RHOBTB3: variants seen among roughly 807,000 people sequenced by gnomAD.
The protein encoded by RHOBTB3 is Rho related BTB domain containing 3, also known as rho-related BTB domain-containing protein 3.
RHOBTB3 carries 47 observed loss-of-function variants against 67.2 expected under a neutral mutation model. The ratio of observed to expected loss-of-function variants is 0.70; its 90% confidence interval spans 0.55 to 0.89. The LOEUF is 0.89. Among genes scored for constraint, RHOBTB3 ranks in the 40% least tolerant of loss-of-function variants. The pLI, the probability that RHOBTB3 is intolerant of heterozygous loss-of-function variation, is 0.00. For synonymous variants in RHOBTB3, 273 were observed against 274.2 expected, an observed-to-expected ratio of 1.00 and a Z score of 0.04; for missense variants, 631 against 750.0, an observed-to-expected ratio of 0.84 and a Z score of 1.85.
chr5:95,730,026 TG>T (rs1561435655), upstream of RHOBTB3, among the ~76,000 whole-genome samples: 1 of 151,904 alleles, frequency 6.6e-6, no homozygotes, highest in Non-Finnish European at 1.5e-5. Context: ...TTTTTAAGGA[TG>T]GTTTAGGTTC....
chr5:95,789,401 A>T (rs1042837865), intron 11 of RHOBTB3: 1 of 152,444 alleles, frequency 6.6e-6, no homozygotes, highest in Admixed American at 6.5e-5. Context: ...TGTATGTAAT[A>T]TGCTTTCTAA....
chr5:95,787,730 C>T (rs1221122533), intron 10 of RHOBTB3, among the ~76,000 whole-genome samples: 2 of 152,068 alleles, frequency 1.3e-5, no homozygotes, highest in Non-Finnish European at 2.9e-5. Context: ...AAAATATTAC[C>T]CTAAATGAGC....
intron 8 of RHOBTB3, 45 bp from the exon 9 acceptor site, chr5:95,780,207 C>T (rs372639977): frequency 9.7e-6 from 15 of 1,545,822 alleles, no homozygotes; most frequent in East Asian, 2.3e-5. Flanking sequence ...AATAACCCTG[C>T]AGGTTTATCT....
intron 3 of RHOBTB3, among the ~76,000 whole-genome samples, chr5:95,744,238 G>A (rs1007032336): frequency 6.6e-6 from 1 of 152,044 alleles, no homozygotes; most frequent in Non-Finnish European, 1.5e-5. Context: ...ATTCTTAACT[G>A]TAGTGCCCCT....
At chr5:95,740,335 A>G (rs1291718653) in intron 3 of RHOBTB3, among the ~76,000 whole-genome samples, 1 of 152,250 alleles carries the variant, frequency 6.6e-6, no homozygotes, top group Non-Finnish European at 1.5e-5. Context: ...AATGATAATC[A>G]GTGGAATCTG....
intron 3 of RHOBTB3, among the ~76,000 whole-genome samples, chr5:95,740,744 G>A (rs879937106): frequency 2.6e-5 from 4 of 152,068 alleles, no homozygotes; most frequent in Admixed American, 6.6e-5. Context: ...AGATCATGGC[G>A]CTCAATGCTT....
At chr5:95,757,661 A>C (rs1004212180) in intron 6 of RHOBTB3, among the ~76,000 whole-genome samples, 1 of 152,248 alleles carries the variant, frequency 6.6e-6, no homozygotes, top group Non-Finnish European at 1.5e-5. Context: ...CAGTTGCAGC[A>C]CGCAGATTTA....
chr5:95,749,827 C>G (rs532851290), intron 4 of RHOBTB3, among the ~76,000 whole-genome samples: 5 of 152,276 alleles, frequency 3.3e-5, no homozygotes, highest in African/African-American at 1.2e-4. Flanking sequence ...GCTCCCTGTT[C>G]TAGGATCCTG....
chr5:95,740,006 G>C (rs1755554163), intron 3 of RHOBTB3, among the ~76,000 whole-genome samples: 1 of 152,208 alleles, frequency 6.6e-6, no homozygotes. Context: ...TGTCATGGGA[G>C]GGACCTGGTG....
At chr5:95,743,660 T>G in intron 3 of RHOBTB3, among the ~76,000 whole-genome samples, 2 of 137,710 alleles carry the variant, frequency 1.5e-5, no homozygotes, top group East Asian at 2.4e-4. Context: ...TCCTTCCCCC[T>G]TCCTTCTTTC....
At position 95,794,306 on chromosome 5, in the gene RHOBTB3, A is replaced by G. The variant is rs866061779; in HGVS notation, c.*1132A>G. The G allele has an allele frequency of 5.6e-6, 1 of 179,316 alleles. No homozygotes were observed. Among genetic ancestry groups the G allele is most frequent in the African/African-American group, 2.4e-5 (1 of 42,362 alleles). The allele number at this position is 179,316 out of a possible 1,614,324, so 11.1% of individuals were successfully genotyped here. ...TGTATAAAGATGTTCACAGAGAAAG[A>G]TGCTCTGTAGAGAATTTGCTACCGA... On this transcript the variant is annotated 3_prime_UTR_variant, in exon 12 of 12. Transcript: ENST00000379982.
intron 4 of RHOBTB3, among the ~76,000 whole-genome samples, chr5:95,750,127 T>C (rs1237044553): frequency 6.6e-6 from 1 of 152,326 alleles, no homozygotes; most frequent in East Asian, 1.9e-4. Context: ...TAAAATAGAA[T>C]GGCATTGGCA....
At chr5:95,723,350 G>A (rs1453905784) in intron 1 of RHOBTB3, among the ~76,000 whole-genome samples, 1 of 152,200 alleles carries the variant, frequency 6.6e-6, no homozygotes, top group Non-Finnish European at 1.5e-5. Context: ...AAACACAACT[G>A]AGATTACAGC....
At chr5:95,726,153 CTTA>C (rs148515365), upstream of RHOBTB3, among the ~76,000 whole-genome samples, 922 of 152,298 alleles carry the variant, frequency 6.1e-3, 12 homozygotes, top group African/African-American at 0.021. Context: ...TGTTCAAATA[CTTA>C]TGACTGGAAT....
intron 6 of RHOBTB3, among the ~76,000 whole-genome samples, chr5:95,762,095 G>A (rs188965021): frequency 5.3e-5 from 8 of 152,318 alleles, no homozygotes; most frequent in African/African-American, 1.9e-4. Flanking sequence ...GCTGGCACCA[G>A]CTTGTGAGAG....
At chr5:95,728,922 G>C (rs778758857), upstream of RHOBTB3, among the ~76,000 whole-genome samples, 96 of 152,296 alleles carry the variant, frequency 6.3e-4, no homozygotes, top group Non-Finnish European at 5.0e-4. Context: ...TAATTATAAT[G>C]CACTAGCATG....
chr5:95,776,055 C>T (rs1745869526), intron 8 of RHOBTB3, among the ~76,000 whole-genome samples: 1 of 152,056 alleles, frequency 6.6e-6, no homozygotes, highest in Admixed American at 6.6e-5. Context: ...ATTATCAATA[C>T]AAATTTATGG....
At chr5:95,723,565 T>TA (rs1453136453) in intron 1 of RHOBTB3, among the ~76,000 whole-genome samples, 2 of 152,246 alleles carry the variant, frequency 1.3e-5, no homozygotes, top group Non-Finnish European at 1.5e-5. Flanking sequence ...TTTGTTTTTT[T>TA]AAAAAGCTAA....
rs1299013071 is a variant in RHOBTB3 at position 95,755,386 on chromosome 5, T to C, written c.683-10T>C. The C allele has an allele frequency of 6.7e-7, 1 of 1,490,724 alleles. No homozygotes were observed. The highest frequency in any genetic ancestry group is 2.4e-5 in the Admixed American group (1 of 41,382). 92.3% of individuals were successfully genotyped at this position (1,490,724 alleles called of 1,614,324 possible). ...GGAGTTTATTATTTTTATTTTCTTT[T>C]TCAAAACAGAAAAAATGCCTGTCTT... On this transcript the variant is annotated splice_polypyrimidine_tract_variant and intron_variant, in intron 5 of 11. Transcript: ENST00000379982.
Sources: allele counts gnomAD v4.1 joint callset (sites outside exome capture counted in the v4.1 genomes callset), GRCh38; gene constraint gnomAD v4.1.1; transcripts MANE v1.5; gene names NCBI Gene and HGNC (gene_info 2026-07-23, HGNC 2026-07-21).